The following PLCG2 variants were observed in gnomAD, a reference collection of about 807,000 sequenced individuals.
PLCG2 encodes the protein phospholipase C gamma 2, also known as 1-phosphatidylinositol 4,5-bisphosphate phosphodiesterase gamma-2.
Under a neutral mutation model 175.6 loss-of-function variants are expected in PLCG2, and 69 were observed. The ratio of observed to expected loss-of-function variants is 0.39; its 90% confidence interval spans 0.32 to 0.48. The LOEUF (loss-of-function observed/expected upper bound fraction) is 0.48, where lower values mean the gene tolerates loss of function less well. Among genes scored for constraint, PLCG2 ranks in the 20% least tolerant of loss-of-function variants. PLCG2 has a pLI of 0.91. For missense variants in PLCG2, 1,798 were observed against 1,650.9 expected (o/e 1.09, Z -1.54); for synonymous variants, 827 against 624.0 (o/e 1.33, Z -4.85).
At chr16:81,952,796 A>C (rs1405779204) in intron 31 of PLCG2, among the ~76,000 whole-genome samples, 1 of 152,240 alleles carries the variant, frequency 6.6e-6, no homozygotes, top group Non-Finnish European at 1.5e-5. Flanking sequence ...TAACTGCTGC[A>C]GTAAGACCTA....
intron 16 of PLCG2, 52 bp from the exon 17 acceptor site, chr16:81,908,364 G>A (rs1909469045): frequency 1.3e-6 from 2 of 1,529,938 alleles, no homozygotes; most frequent in Middle Eastern, 1.7e-4. Flanking sequence ...GTCTAGTGAT[G>A]CTGGGGTTTG....
At chr16:81,844,740 A>T (rs1238580752) in intron 2 of PLCG2, among the ~76,000 whole-genome samples, 1 of 152,250 alleles carries the variant, frequency 6.6e-6, no homozygotes, top group Non-Finnish European at 1.5e-5. Flanking sequence ...AGACATTCAG[A>T]TAGTGAGAAT....
intron 2 of PLCG2, among the ~76,000 whole-genome samples, chr16:81,812,101 C>A (rs9746937): frequency 1.4e-5 from 2 of 144,930 alleles, no homozygotes; most frequent in Admixed American, 1.4e-4. Context: ...CCAGGCTGGA[C>A]TGCAGTGGCG....
At chr16:81,752,937 G>T (rs144995376) in intron 1 of PLCG2, among the ~76,000 whole-genome samples, 6 of 152,350 alleles carry the variant, frequency 3.9e-5, no homozygotes, top group African/African-American at 9.6e-5. Context: ...TCTCCTTTGG[G>T]CCTCAGTTTC....
At chr16:81,859,540 CTT>C (rs200533453) in intron 5 of PLCG2, among the ~76,000 whole-genome samples, 1 of 148,138 alleles carries the variant, frequency 6.8e-6, no homozygotes. Context: ...CCAGGTGGTT[CTT>C]TTTTTTTTTT....
chr16:81,954,317 C>T lies in PLCG2; in HGVS notation c.3571-2378C>T, dbSNP rs528200966. 1.2e-4 allele frequency among the ~76,000 whole-genome samples: 19 copies of T among 152,298 alleles called. No homozygotes were observed. In the East Asian group the frequency reaches 1.9e-3, roughly 15 times the overall value. On this transcript the variant is annotated intron_variant, in intron 31 of 32. Coordinates refer to ENST00000564138, the MANE Select transcript of PLCG2 (RefSeq NM_002661.5). ...GATTACATGCCTGAGGCACTGCGCC[C>T]GGCGACTTGATTCTTTTCTTTTCTT...
chr16:81,822,823 G>A (rs1200459281), intron 2 of PLCG2, among the ~76,000 whole-genome samples: 1 of 142,188 alleles, frequency 7.0e-6, no homozygotes, highest in Non-Finnish European at 1.5e-5. Context: ...ACAATGGCAA[G>A]ATGATGGCAA....
intron 2 of PLCG2, among the ~76,000 whole-genome samples, chr16:81,805,929 T>C (rs978914784): frequency 6.6e-6 from 1 of 151,956 alleles, no homozygotes; most frequent in Non-Finnish European, 1.5e-5. Context: ...TGTGAGCCAC[T>C]GTACGCAGTC....
At chr16:81,793,308 G>C (rs947695169) in intron 2 of PLCG2, among the ~76,000 whole-genome samples, 1 of 152,208 alleles carries the variant, frequency 6.6e-6, no homozygotes, top group South Asian at 2.1e-4. Flanking sequence ...TCCTTTCTGA[G>C]GGACCTAGTT....
chr16:81,786,223 G>C (rs1910966328), intron 2 of PLCG2, 41 bp downstream of exon 2: 1 of 1,563,074 alleles, frequency 6.4e-7, no homozygotes, highest in Non-Finnish European at 8.8e-7. Context: ...CCGTCCTCTG[G>C]GGCCCTGGCC....
In PLCG2 at chr16:81,961,028, A is replaced by G. The variant is rs374073560; in HGVS notation, c.*3030A>G. ...AAAAATTCAAAATGTGGATATTTGG[A>G]AAGTGAAAGACTTATCAACAGGGCA... On this transcript the variant is annotated 3_prime_UTR_variant, in exon 33 of 33. Coordinates refer to ENST00000564138, the MANE Select transcript of PLCG2 (RefSeq NM_002661.5). 4.3e-6 allele frequency: 1 copy of G among 231,318 alleles called. No individual in the cohort carries two copies. The highest frequency in any genetic ancestry group is 8.6e-6 in the Non-Finnish European group (1 of 116,880). The allele number at this position is 231,318 out of a possible 1,614,324, so 14.3% of individuals were successfully genotyped here.
intron 2 of PLCG2, among the ~76,000 whole-genome samples, chr16:81,832,965 G>C (rs57963515): frequency 0.12 from 18,469 of 152,264 alleles, 1,195 homozygotes; most frequent in Middle Eastern, 0.18. Flanking sequence ...TTGCTGCTGG[G>C]GCCATGACAG....
At chr16:81,821,424 A>G (rs1266041745) in intron 2 of PLCG2, among the ~76,000 whole-genome samples, 1 of 152,112 alleles carries the variant, frequency 6.6e-6, no homozygotes, top group Non-Finnish European at 1.5e-5. Context: ...ACAAATGTAC[A>G]TGTGTAGTTG....
At chr16:81,751,166 A>T (rs1318400032) in intron 1 of PLCG2, among the ~76,000 whole-genome samples, 1 of 151,226 alleles carries the variant, frequency 6.6e-6, no homozygotes, top group East Asian at 1.9e-4. Context: ...TGTTTAGTAG[A>T]GATGGGGTTT....
chr16:81,787,345 C>T (rs1597318249), intron 2 of PLCG2, among the ~76,000 whole-genome samples: 1 of 151,192 alleles, frequency 6.6e-6, no homozygotes, highest in Non-Finnish European at 1.5e-5. Context: ...CCTCAGTCTC[C>T]CAAGTAGCTG....
intron 2 of PLCG2, among the ~76,000 whole-genome samples, chr16:81,838,856 T>C (rs553120194): frequency 6.6e-5 from 10 of 151,264 alleles, no homozygotes; most frequent in African/African-American, 2.4e-4. Flanking sequence ...CATGTAAGGC[T>C]CAAGGCTTTA....
At chr16:81,846,890 G>T (rs919103746) in intron 2 of PLCG2, among the ~76,000 whole-genome samples, 5 of 151,970 alleles carry the variant, frequency 3.3e-5, no homozygotes, top group Non-Finnish European at 7.4e-5. Flanking sequence ...CACCAGATGT[G>T]TATGGTTTTC....
chr16:81,834,605 C>CTGCTGCTGCTGCTGCTGCTGCTGT, intron 2 of PLCG2, among the ~76,000 whole-genome samples: 2 of 152,154 alleles, frequency 1.3e-5, no homozygotes, highest in Non-Finnish European at 1.5e-5. Flanking sequence ...GCTGCTGCTG[C>CTGCTGCTGCTGCTGCTGCTGCTGT]TGCTGCTGTT....
At chr16:81,843,001 G>GGGGT (rs1567493475) in intron 2 of PLCG2, 1 of 146,712 alleles carries the variant, frequency 6.8e-6, no homozygotes, top group African/African-American at 2.6e-5. Context: ...TGGTGGGGGT[G>GGGGT]GGGTGGACCT....
Sources: allele counts gnomAD v4.1 joint callset (sites outside exome capture counted in the v4.1 genomes callset), GRCh38; gene constraint gnomAD v4.1.1; transcripts MANE v1.5; gene names NCBI Gene and HGNC (gene_info 2026-07-23, HGNC 2026-07-21).